Variants in PHF3 observed in about 807,000 individuals in gnomAD.
PHF3 encodes PHD finger protein 3.
PHF3 carries 41 observed loss-of-function variants against 178.4 expected under a neutral mutation model. The observed-to-expected ratio is 0.23, with a 90% CI of 0.18 to 0.30. PHF3 has a LOEUF of 0.30. Ranked by LOEUF, PHF3 falls within the 10% of genes least tolerant of loss-of-function variation. The pLI, the probability that PHF3 is intolerant of heterozygous loss-of-function variation, is 1.00. For missense variants in PHF3, 2,346 were observed against 2,398.1 expected (o/e 0.98, Z 0.45); for synonymous variants, 842 against 800.5 (o/e 1.05, Z -0.88).
In PHF3 at chr6:63,691,912, G is replaced by C. The variant is rs1767019326; in HGVS notation, c.2365G>C (p.Ala789Pro). The change falls in exon 5 of 16, where the codon GCT becomes CCT. Residue 789 changes from alanine (A) to proline (P), a missense_variant. Physicochemically the swap from Ala to Pro is conservative, Grantham distance 27. Coordinates refer to ENST00000262043, the MANE Select transcript of PHF3 (RefSeq NM_001370348.2). ...AGATCCAGATACTTTGGAAAACCAA[G>C]CTACAGTTGAATTCCATAGTGGAGA... ...ILDPDTLENQ[A>P]TVEFHSGDKT... 1 of 1,613,568 alleles carries C rather than the reference G, an allele frequency of 6.2e-7. No individual in the cohort carries two copies. The highest frequency in any genetic ancestry group is 8.5e-7 in the Non-Finnish European group (1 of 1,179,876).
intron 2 of PHF3, among the ~76,000 whole-genome samples, chr6:63,660,712 C>T (rs143489600): frequency 4.7e-4 from 71 of 152,202 alleles, no homozygotes; most frequent in Non-Finnish European, 8.8e-4. Flanking sequence ...AAAGCAAGGT[C>T]CTGACCACTC....
chr6:63,687,930 T>C lies in PHF3; in HGVS notation c.2189+2019T>C, dbSNP rs112809861. 5.5e-3 allele frequency among the ~76,000 whole-genome samples: 839 copies of C among 152,236 alleles called. 6 individuals are homozygous for C. Among genetic ancestry groups the C allele is most frequent in the African/African-American group, 0.019 (779 of 41,528 alleles). On this transcript the variant is annotated intron_variant, in intron 4 of 15. Coordinates refer to ENST00000262043, the MANE Select transcript of PHF3 (RefSeq NM_001370348.2). ...TGTAATTGATGTGAATAATTTAACA[T>C]TGGAAACAATTATGGAAGCAGAATT...
At chr6:63,667,437 C>T (rs1313588663) in intron 2 of PHF3, among the ~76,000 whole-genome samples, 1 of 152,072 alleles carries the variant, frequency 6.6e-6, no homozygotes, top group Non-Finnish European at 1.5e-5. Flanking sequence ...TAATATTTTG[C>T]TATATTTGTT....
chr6:63,636,275 T>G, intron 1 of PHF3, 125 bp downstream of exon 1: 1 of 242,374 alleles, frequency 4.1e-6, no homozygotes, highest in Non-Finnish European at 7.9e-6. Context: ...CGCGCTTTTC[T>G]CCCGCGCAGC....
In PHF3 at chr6:63,721,083, G is replaced by T; in HGVS notation, c.*7375G>T. The T allele has an allele frequency of 6.4e-7, 1 of 1,551,178 alleles. No individual in the cohort carries two copies. Among genetic ancestry groups the T allele is most frequent in the Non-Finnish European group, 8.7e-7 (1 of 1,146,690 alleles). ...TGTTTTAGTGGTACTGAAATTTAAG[G>T]ATATAGTAGTGAACTGGAGGTTTCT... is the stretch of plus-strand genomic sequence containing the variant. On this transcript the variant is annotated 3_prime_UTR_variant, in exon 16 of 16. Transcript: ENST00000262043.
rs751368463 is a variant in PHF3, at chr6:63,713,663, C to T, written c.6075C>T (p.Tyr2025=). 1.2e-6 allele frequency: 2 copies of T among 1,600,728 alleles called. No homozygotes were observed. Among genetic ancestry groups the T allele is most frequent in the Non-Finnish European group, 1.7e-6 (2 of 1,176,280 alleles). ...HREGEKDRDR[Y]HKDRDHTDRT... ...AAGGAGAAAAGGACAGGGATAGGTA[C>T]CACAAAGATAGGGACCACACTGACA... The change falls in exon 16 of 16, where the codon TAC becomes TAT. Residue 2025 remains tyrosine, a synonymous_variant. Transcript: ENST00000262043.
Position 63,718,814 on chromosome 6 carries a change from G to T in PHF3, c.*5106G>T, listed in dbSNP as rs895073942. On this transcript the variant is annotated 3_prime_UTR_variant, in exon 16 of 16. Transcript: ENST00000262043. Reference sequence around the variant, plus strand: ...TGTGGTTCAGGCAGTTTCTTCTTTTGTAAGCTTTCATAAAACAGCCTTCTT... The same window carrying T: ...TGTGGTTCAGGCAGTTTCTTCTTTTTTAAGCTTTCATAAAACAGCCTTCTT... Among the ~76,000 whole-genome samples the T allele has an allele frequency of 9.9e-5, 15 of 151,908 alleles. No homozygotes were observed. Among genetic ancestry groups the T allele is most frequent in the African/African-American group, 3.6e-4 (15 of 41,398 alleles).
At chr6:63,700,251 A>C (rs956114069) in intron 8 of PHF3, 99 bp from the exon 9 acceptor site, 12 of 577,910 alleles carry the variant, frequency 2.1e-5, no homozygotes, top group Middle Eastern at 4.8e-4. Flanking sequence ...AGTATTTGTA[A>C]ATCAGTCTTC....
rs1767344469 is a variant in PHF3, at chr6:63,698,739, A to AT, written c.2982+138dup. ...ATTTGCTTTTGATGTAGAACATGTA[A>AT]TTTTAATAGTCTTTTTGCTACTGAA... On this transcript the variant is annotated intron_variant, in intron 8 of 15. Coordinates refer to ENST00000262043, the MANE Select transcript of PHF3 (RefSeq NM_001370348.2). The AT allele has an allele frequency of 5.2e-6, 3 of 577,024 alleles. No homozygotes were observed. In the South Asian group the frequency reaches 1.0e-4, roughly 20 times the overall value. 35.7% of individuals were successfully genotyped at this position (577,024 alleles called of 1,614,324 possible). A position where few individuals can be genotyped will look rare whatever the true frequency, so the allele number is the denominator to read the frequency against.
At chr6:63,675,085 G>A (rs1766108061) in intron 2 of PHF3, among the ~76,000 whole-genome samples, 1 of 152,128 alleles carries the variant, frequency 6.6e-6, no homozygotes, top group South Asian at 2.1e-4. Flanking sequence ...CTTCACTTAA[G>A]CAAGTTTAAT....
At chr6:63,639,911 T>C (rs1037791856) in intron 1 of PHF3, among the ~76,000 whole-genome samples, 1 of 152,244 alleles carries the variant, frequency 6.6e-6, no homozygotes, top group South Asian at 2.1e-4. Context: ...TATGATATAA[T>C]GCCAATATAG....
intron 4 of PHF3, among the ~76,000 whole-genome samples, chr6:63,690,469 G>A (rs1240576896): frequency 6.6e-6 from 1 of 152,084 alleles, no homozygotes; most frequent in Admixed American, 6.5e-5. Context: ...GTAAGGATTG[G>A]AACTCACTCT....
intron 14 of PHF3, 145 bp from the exon 15 acceptor site, chr6:63,711,022 C>T (rs957304501): frequency 5.7e-6 from 3 of 523,632 alleles, no homozygotes; most frequent in African/African-American, 3.9e-5. Context: ...TTAATATTCT[C>T]TTCTGTATTT....
At position 63,713,149 on chromosome 6, in the gene PHF3, C is replaced by T. The variant is rs1162753037; in HGVS notation, c.5561C>T (p.Pro1854Leu). 17 of 1,614,030 alleles carry T rather than the reference C, an allele frequency of 1.1e-5. No individual in the cohort carries two copies. The highest frequency in any genetic ancestry group is 7.7e-5 in the South Asian group (7 of 91,082). The change falls in exon 16 of 16, where the codon CCC becomes CTC. Residue 1854 changes from proline to leucine, a missense_variant. Physicochemically the swap from Pro to Leu is moderately conservative, Grantham distance 98. This residue lies in a region of PHF3 where 839 missense variants were observed against 806.9 expected (regional missense o/e 1.04). Transcript: ENST00000262043. Reference protein sequence around the residue: ...GFGFAQNPMVPWPPVVHLPGQ... With the variant: ...GFGFAQNPMVLWPPVVHLPGQ... ...GGCTTTGCTCAAAATCCCATGGTTC[C>T]CTGGCCACCTGTTGTTCATCTCCCA...
At chr6:63,637,265 T>G (rs1764382133) in intron 1 of PHF3, among the ~76,000 whole-genome samples, 1 of 152,212 alleles carries the variant, frequency 6.6e-6, no homozygotes, top group African/African-American at 2.4e-5. Context: ...TGTATTTAGT[T>G]ACTATTTTGG....
At position 63,722,588 on chromosome 6, in the gene PHF3, T is replaced by C. The variant is rs995406941; in HGVS notation, c.*8880T>C. On this transcript the variant is annotated 3_prime_UTR_variant, in exon 16 of 16. Coordinates refer to ENST00000262043, the MANE Select transcript of PHF3 (RefSeq NM_001370348.2). The stretch of plus-strand genomic sequence containing the variant: ...AAAAAGCATGTTCTTCACTGTAAGA[T>C]TGCTTGAAGAGGATAGCAAAATGAC... 7.9e-5 allele frequency among the ~76,000 whole-genome samples: 12 copies of C among 152,206 alleles called. No homozygotes were observed. The highest frequency in any genetic ancestry group is 7.2e-4 in the Admixed American group (11 of 15,268).
At position 63,635,997 on chromosome 6, in the gene PHF3, C is replaced by T; in HGVS notation, c.-179C>T. ...GTCGTCAGCAGCAGCCATTTGGTCC[C>T]AGGAGGAAAAGAGGCTGTGGCAGCG... is the stretch of plus-strand genomic sequence containing the variant. On this transcript the variant is annotated 5_prime_UTR_variant, in exon 1 of 16. Coordinates refer to ENST00000262043, the MANE Select transcript of PHF3 (RefSeq NM_001370348.2). 2.5e-6 allele frequency: 1 copy of T among 397,914 alleles called. No homozygotes were observed. The highest frequency in any genetic ancestry group is 4.4e-6 in the Non-Finnish European group (1 of 225,588). The allele number at this position is 397,914 out of a possible 1,614,324, so 24.6% of individuals were successfully genotyped here. A position where few individuals can be genotyped will look rare whatever the true frequency, so the allele number is the denominator to read the frequency against.
At chr6:63,709,021 A>G (rs1286788655) in intron 13 of PHF3, 130 bp from the exon 14 acceptor site, 4 of 515,474 alleles carry the variant, frequency 7.8e-6, no homozygotes, top group Non-Finnish European at 1.3e-5. Context: ...TGCATTTTTC[A>G]TAATCTCTTT....
At chr6:63,665,853 A>G (rs913143445) in intron 2 of PHF3, among the ~76,000 whole-genome samples, 1 of 152,196 alleles carries the variant, frequency 6.6e-6, no homozygotes, top group Non-Finnish European at 1.5e-5. Flanking sequence ...AACTATATTT[A>G]TATTAATGAC....
Sources: gnomAD v4.1 joint callset for allele counts (sites outside exome capture counted in the v4.1 genomes callset) on GRCh38, gnomAD v4.1.1 for gene constraint, gnomAD v4.1.1 regional missense constraint, MANE v1.5 for transcripts, NCBI Gene and HGNC (gene_info 2026-07-23, HGNC 2026-07-21) for gene names.